The following NUB1 variants were observed in gnomAD, a reference collection of about 807,000 sequenced individuals.
NUB1 encodes the protein NEDD8 ultimate buster 1.
In NUB1, 41 loss-of-function variants were observed where a neutral mutation model predicts 77.1. The observed-to-expected ratio is 0.53, with a 90% CI of 0.41 to 0.69. The LOEUF is 0.69. Ranked by LOEUF, NUB1 falls within the 30% of genes least tolerant of loss-of-function variation. The probability of loss-of-function intolerance (pLI) is 0.00; values close to 1 mark genes in which losing one functional copy is unlikely to be tolerated. For missense variants in NUB1, 643 were observed against 743.8 expected (o/e 0.86, Z 1.58); for synonymous variants, 257 against 281.0 (o/e 0.91, Z 0.85).
intron 1 of NUB1, among the ~76,000 whole-genome samples, chr7:151,344,996 T>C (rs1282759309): frequency 6.6e-6 from 1 of 152,078 alleles, no homozygotes; most frequent in Non-Finnish European, 1.5e-5. Flanking sequence ...CGAGACTCCG[T>C]CTCAAAAAAG....
At chr7:151,362,873 G>A (rs1563022178) in intron 8 of NUB1, among the ~76,000 whole-genome samples, 2 of 152,232 alleles carry the variant, frequency 1.3e-5, no homozygotes, top group Admixed American at 6.5e-5. Flanking sequence ...TAGAAGGCCA[G>A]GAATAGTTTA....
At chr7:151,368,060 G>A (rs978743579) in intron 10 of NUB1, 92 bp downstream of exon 10, 2 of 719,794 alleles carry the variant, frequency 2.8e-6, no homozygotes, top group African/African-American at 3.6e-5. Flanking sequence ...TGTGACTTGT[G>A]AGAAACATGC....
At chr7:151,344,622 T>TGGC (rs1796392360) in intron 1 of NUB1, among the ~76,000 whole-genome samples, 1 of 150,960 alleles carries the variant, frequency 6.6e-6, no homozygotes, top group Non-Finnish European at 1.5e-5. Flanking sequence ...CATCCGAAAA[T>TGGC]ATTTATTATC....
chr7:151,344,415 A>AT (rs1474465539), intron 1 of NUB1, among the ~76,000 whole-genome samples: 28 of 150,408 alleles, frequency 1.9e-4, no homozygotes, highest in African/African-American at 6.6e-4. Context: ...GATTCAAGCG[A>AT]TTCTCCTGCC....
rs754074426 is a variant in NUB1 at position 151,377,147 on chromosome 7, T to C, written c.1770T>C (p.Thr590=). The change falls in exon 15 of 15, where the codon ACT becomes ACC. Residue 590 remains threonine (T), a synonymous_variant. Coordinates refer to ENST00000568733, the MANE Select transcript of NUB1 (RefSeq NM_001243351.2). ...PEHEEDYLDS[T]LEDEEIIIAE... ...ATGAGGAAGACTATCTTGACTCAAC[T>C]CTGGAAGATGAAGAAATTATTATTG... 5.7e-6 allele frequency: 9 copies of C among 1,589,892 alleles called. No homozygotes were observed. Among genetic ancestry groups the C allele is most frequent in the Non-Finnish European group, 7.7e-6 (9 of 1,167,078 alleles).
chr7:151,365,320 T>C (rs80071402), intron 8 of NUB1, among the ~76,000 whole-genome samples: 9 of 8,164 alleles, frequency 1.1e-3, no homozygotes, highest in East Asian at 0.045. Flanking sequence ...TTCTCTCTCT[T>C]TTTTTTTTTT....
At chr7:151,364,454 C>CA (rs1238208476) in intron 8 of NUB1, among the ~76,000 whole-genome samples, 2 of 142,440 alleles carry the variant, frequency 1.4e-5, no homozygotes, top group East Asian at 3.2e-4. Flanking sequence ...AAAAAAAAAA[C>CA]AAAAAAACTG....
At chr7:151,348,569 C>CTTTTTTTTTTTTTTTTTT (rs59781719) in intron 2 of NUB1, among the ~76,000 whole-genome samples, 5 of 69,924 alleles carry the variant, frequency 7.2e-5, no homozygotes, top group Non-Finnish European at 9.9e-5. Flanking sequence ...TTGCTTTTTG[C>CTTTTTTTTTTTTTTTTTT]TTTTTTTTTT....
intron 7 of NUB1, among the ~76,000 whole-genome samples, chr7:151,357,640 T>C (rs1016086608): frequency 2.6e-5 from 4 of 151,724 alleles, no homozygotes; most frequent in African/African-American, 7.3e-5. Context: ...AAAGGAGTCT[T>C]ACTCTGTTGC....
chr7:151,349,012 T>G lies in NUB1; in HGVS notation c.118-61T>G. On this transcript the variant is annotated intron_variant, in intron 2 of 14. Transcript: ENST00000568733. ...ATGGCCTTAGAGTCTTTCATGCCCT[T>G]TTCTATATTTTGCCTTTTTTTTTTT... is the stretch of plus-strand genomic sequence containing the variant. 2.0e-6 allele frequency: 3 copies of G among 1,513,180 alleles called. No individual in the cohort carries two copies. In the South Asian group the frequency reaches 3.6e-5, roughly 18 times the overall value. The allele number at this position is 1,513,180 out of a possible 1,614,324, so 93.7% of individuals were successfully genotyped here.
At position 151,346,089 on chromosome 7, in the gene NUB1, A is replaced by G. The variant is rs912797866; in HGVS notation, c.117+623A>G. ...AGCATGTACTTCTCTGCTCTCATTC[A>G]GAGTATCCTGAACATGATGTAACAT... On this transcript the variant is annotated intron_variant, in intron 2 of 14. Transcript: ENST00000568733. 3.3e-5 allele frequency among the ~76,000 whole-genome samples: 5 copies of G among 152,218 alleles called. No homozygotes were observed. In the South Asian group the frequency reaches 8.3e-4, roughly 25 times the overall value.
At chr7:151,353,299 G>A (rs560563423) in intron 5 of NUB1, among the ~76,000 whole-genome samples, 1 of 152,190 alleles carries the variant, frequency 6.6e-6, no homozygotes, top group Non-Finnish European at 1.5e-5. Context: ...GGAAGGTCCA[G>A]TGTGGCTGTG....
At chr7:151,349,279 C>T in intron 3 of NUB1, 39 bp downstream of exon 3, 1 of 1,496,458 alleles carries the variant, frequency 6.7e-7, no homozygotes, top group South Asian at 1.2e-5. Context: ...CACTAATGTC[C>T]AGTTAGTGAT....
At chr7:151,354,313 C>G (rs976396999) in intron 5 of NUB1, among the ~76,000 whole-genome samples, 6 of 150,602 alleles carry the variant, frequency 4.0e-5, no homozygotes, top group African/African-American at 1.5e-4. Flanking sequence ...TGACCTCCCC[C>G]CACCCTTGCT....
intron 11 of NUB1, among the ~76,000 whole-genome samples, chr7:151,371,824 A>G (rs979939518): frequency 2.0e-5 from 3 of 152,062 alleles, no homozygotes; most frequent in African/African-American, 7.2e-5. Flanking sequence ...GCTCACTGCA[A>G]CCTTGATCTC....
Position 151,377,088 on chromosome 7 carries a change from G to T in NUB1, c.1711G>T (p.Ala571Ser). Residue 571 changes from alanine to serine, a missense_variant, in exon 15 of 15, where the codon GCC becomes TCC. Physicochemically the swap from Ala to Ser is moderately conservative, Grantham distance 99. Transcript: ENST00000568733. ...ASTDEDMETE[A>S]VNEILEDIPE... is the part of the protein sequence containing the mutation. The stretch of plus-strand genomic sequence containing the variant: ...AACAGACGAAGACATGGAGACAGAG[G>T]CCGTCAATGAGATACTGGAAGACAT... The T allele has an allele frequency of 6.3e-7, 1 of 1,578,708 alleles. No homozygotes were observed. Among genetic ancestry groups the T allele is most frequent in the Non-Finnish European group, 8.6e-7 (1 of 1,163,070 alleles).
Position 151,374,083 on chromosome 7 carries a change from C to CTGTT in NUB1, c.1249-12_1249-9dup. 1 of 1,548,570 alleles carries CTGTT rather than the reference C, an allele frequency of 6.5e-7. No homozygotes were observed. Among genetic ancestry groups the CTGTT allele is most frequent in the Non-Finnish European group, 8.7e-7 (1 of 1,145,418 alleles). On this transcript the variant is annotated splice_polypyrimidine_tract_variant and intron_variant, in intron 11 of 14. Transcript: ENST00000568733. ...GTCCCTAACTTGGGATGGGACTTTG[C>CTGTT]TGTTTTCCTAAAGGAACTGGCCCAA...
intron 9 of NUB1, 79 bp from the exon 10 acceptor site, chr7:151,367,782 G>C (rs1321114431): frequency 1.1e-6 from 1 of 904,522 alleles, no homozygotes; most frequent in Non-Finnish European, 1.7e-6. Flanking sequence ...TGGAGACCAA[G>C]GGAATGACAG....
Position 151,349,663 on chromosome 7 carries a change from C to T in NUB1, c.285+423C>T, listed in dbSNP as rs141076898. ...GGCCGAGGAGATCTGGGTGGGGTCA[C>T]CTCCTCTCATTGCCATGGCCAGGTA... On this transcript the variant is annotated intron_variant, in intron 3 of 14. Coordinates refer to ENST00000568733, the MANE Select transcript of NUB1 (RefSeq NM_001243351.2). Among the ~76,000 whole-genome samples, 376 of 152,294 alleles carry T rather than the reference C, an allele frequency of 2.5e-3. 9 individuals are homozygous for T. Among genetic ancestry groups the T allele is most frequent in the Admixed American group, 0.023 (357 of 15,288 alleles).
Sources: allele counts gnomAD v4.1 joint callset (sites outside exome capture counted in the v4.1 genomes callset), GRCh38; gene constraint gnomAD v4.1.1; transcripts MANE v1.5; gene names NCBI Gene and HGNC (gene_info 2026-07-23, HGNC 2026-07-21).